Variants in MOSPD1 observed in about 807,000 individuals in gnomAD.
The protein encoded by MOSPD1 is motile sperm domain containing 1, also known as motile sperm domain-containing protein 1.
A neutral mutation model predicts 16.7 loss-of-function variants in MOSPD1; 5 were observed. That is an observed-to-expected ratio of 0.30 (90% CI 0.16 to 0.63). MOSPD1 has a LOEUF of 0.63. MOSPD1 is among the 30% of genes least tolerant of loss of function. The probability of loss-of-function intolerance (pLI) is 0.82; values close to 1 mark genes in which losing one functional copy is unlikely to be tolerated. For missense variants in MOSPD1, 104 were observed against 153.6 expected, an observed-to-expected ratio of 0.68 and a Z score of 1.71; for synonymous variants, 67 against 59.2, an observed-to-expected ratio of 1.13 and a Z score of -0.61.
At chrX:134,908,050 G>T (rs2082952123) in intron 1 of MOSPD1, among the ~76,000 whole-genome samples, 1 of 112,766 alleles carries the variant, frequency 8.9e-6, no homozygotes, top group Non-Finnish European at 1.9e-5. Flanking sequence ...TGAGATTACA[G>T]GCATGAGCCA....
In MOSPD1 at chrX:134,896,099, C is replaced by T. The variant is rs116370694; in HGVS notation, c.448+718G>A. ...ATCACCATCAAAAAGTTTCCAGTTT[C>T]CCTGGTTTTCTATGGAAAATTTTAT... On this transcript the variant is annotated intron_variant, in intron 4 of 5. Transcript: ENST00000370783. Among the ~76,000 whole-genome samples, 655 of 111,439 alleles carry T rather than the reference C, an allele frequency of 5.9e-3. 4 individuals are homozygous for T. The highest frequency in any genetic ancestry group is 0.021 in the African/African-American group (634 of 30,709).
chrX:134,904,674 C>T (rs1274786560), intron 1 of MOSPD1, among the ~76,000 whole-genome samples: 1 of 110,363 alleles, frequency 9.1e-6, no homozygotes, highest in Non-Finnish European at 1.9e-5. Flanking sequence ...CCAGCCTGAC[C>T]AACACGGTGA....
intron 1 of MOSPD1, among the ~76,000 whole-genome samples, chrX:134,908,008 A>G (rs2082951977): frequency 1.8e-5 from 2 of 112,508 alleles, no homozygotes; most frequent in Admixed American, 1.9e-4. Context: ...CCTGAACTGA[A>G]GCAATACTCC....
intron 1 of MOSPD1, among the ~76,000 whole-genome samples, chrX:134,908,979 G>A (rs1290781948): frequency 8.9e-6 from 1 of 111,848 alleles, no homozygotes; most frequent in East Asian, 2.8e-4. Context: ...AGAAAGAGGA[G>A]GCTGCAGGCC....
intron 5 of MOSPD1, among the ~76,000 whole-genome samples, chrX:134,890,894 T>G (rs180696712): frequency 1.2e-3 from 131 of 111,801 alleles, no homozygotes; most frequent in Middle Eastern, 4.6e-3. Flanking sequence ...GAGGAGAACA[T>G]GAGGAAAGTC....
At chrX:134,895,029 C>A (rs2082878935) in intron 4 of MOSPD1, among the ~76,000 whole-genome samples, 2 of 103,918 alleles carry the variant, frequency 1.9e-5, no homozygotes, top group Non-Finnish European at 4.1e-5. Flanking sequence ...TAGAAAAATT[C>A]TTTAATATAC....
intron 1 of MOSPD1, among the ~76,000 whole-genome samples, chrX:134,900,106 G>A (rs1031990803): frequency 3.6e-5 from 4 of 112,350 alleles, no homozygotes; most frequent in African/African-American, 1.3e-4. Context: ...ATACTCAAAG[G>A]AATAAAGAAG....
intron 1 of MOSPD1, among the ~76,000 whole-genome samples, chrX:134,907,000 G>C (rs1018275872): frequency 9.0e-6 from 1 of 111,305 alleles, no homozygotes; most frequent in Non-Finnish European, 1.9e-5. Context: ...AAGCTGAGGC[G>C]GGCAGATCAC....
At chrX:134,914,595 G>A (rs1448456216) in intron 1 of MOSPD1, among the ~76,000 whole-genome samples, 1 of 111,510 alleles carries the variant, frequency 9.0e-6, no homozygotes, top group African/African-American at 3.3e-5. Context: ...ATTTTTCCAA[G>A]AAGGCGTTCG....
chrX:134,895,590 G>C (rs186218171), intron 4 of MOSPD1, among the ~76,000 whole-genome samples: 2 of 111,127 alleles, frequency 1.8e-5, no homozygotes, highest in African/African-American at 6.5e-5. Flanking sequence ...GGCCTTCTTT[G>C]TACTAGAGGA....
At chrX:134,913,662 TA>T (rs2082984310) in intron 1 of MOSPD1, among the ~76,000 whole-genome samples, 1 of 112,006 alleles carries the variant, frequency 8.9e-6, no homozygotes, top group Non-Finnish European at 1.9e-5. Flanking sequence ...TTTTTGCCTA[TA>T]AAGGAGTAAC....
At chrX:134,903,586 C>T (rs767083821) in intron 1 of MOSPD1, among the ~76,000 whole-genome samples, 222 of 107,702 alleles carry the variant, frequency 2.1e-3, no homozygotes, top group African/African-American at 7.3e-3. Flanking sequence ...GTGGCGTGTG[C>T]CTGTAGTCCC....
intron 1 of MOSPD1, among the ~76,000 whole-genome samples, chrX:134,905,088 G>A (rs1318472715): frequency 9.5e-6 from 1 of 105,192 alleles, no homozygotes; most frequent in Non-Finnish European, 2.0e-5. Context: ...GGCCGGGCGC[G>A]GTGGCTCACG....
intron 5 of MOSPD1, 93 bp from the exon 6 acceptor site, chrX:134,889,285 C>A: frequency 1.6e-6 from 1 of 625,557 alleles, no homozygotes; most frequent in Non-Finnish European, 2.4e-6. Context: ...TGAACAAATA[C>A]AACATAGCAC....
chrX:134,891,609 T>C lies in MOSPD1; in HGVS notation c.480A>G (p.Leu160=). 2 of 1,211,380 alleles carry C rather than the reference T, an allele frequency of 1.7e-6. No individual in the cohort carries two copies. Among genetic ancestry groups the C allele is most frequent in the South Asian group, 1.8e-5 (1 of 56,908 alleles). ...ACACCACTCCCAGGAAGACAGTTAGTAAACTAGGTCCTGAGGATACAGCTC... is the reference window on the plus strand; with the variant it reads ...ACACCACTCCCAGGAAGACAGTTAGCAAACTAGGTCCTGAGGATACAGCTC... ...ENRAVSSGPS[L]LTVFLGVVCI... is the part of the protein sequence containing the mutation. The change falls in exon 5 of 6, where the codon TTA becomes TTG. Residue 160 remains leucine, a synonymous_variant. Coordinates refer to ENST00000370783, the MANE Select transcript of MOSPD1 (RefSeq NM_019556.3).
chrX:134,891,942 T>C (rs919430054), intron 4 of MOSPD1, among the ~76,000 whole-genome samples: 1 of 112,373 alleles, frequency 8.9e-6, no homozygotes, highest in African/African-American at 3.2e-5. Context: ...TATTCAAGCA[T>C]GTATCATCGA....
intron 1 of MOSPD1, among the ~76,000 whole-genome samples, chrX:134,902,179 G>A (rs1400789529): frequency 9.1e-6 from 1 of 110,145 alleles, no homozygotes; most frequent in Non-Finnish European, 1.9e-5. Flanking sequence ...AGGCCGAGGC[G>A]GACAGATCAC....
At chrX:134,912,355 C>A (rs77972698) in intron 1 of MOSPD1, among the ~76,000 whole-genome samples, 23,377 of 109,575 alleles carry the variant, frequency 0.21, 1,959 homozygotes, top group African/African-American at 0.24. Context: ...GCTAATTTTT[C>A]TATTTTTAGT....
chrX:134,903,943 C>T (rs760296141), intron 1 of MOSPD1, among the ~76,000 whole-genome samples: 1 of 110,775 alleles, frequency 9.0e-6, no homozygotes, highest in Non-Finnish European at 1.9e-5. Context: ...GAGGCTGAAA[C>T]AGAGAATTGC....
Sources: gnomAD v4.1 joint callset for allele counts (sites outside exome capture counted in the v4.1 genomes callset) on GRCh38, gnomAD v4.1.1 for gene constraint, MANE v1.5 for transcripts, NCBI Gene and HGNC (gene_info 2026-07-23, HGNC 2026-07-21) for gene names.